ANKMY1: variants seen among roughly 807,000 people sequenced by gnomAD.
The protein encoded by ANKMY1 is ankyrin repeat and MYND domain containing 1.
Under a neutral mutation model 102.0 loss-of-function variants are expected in ANKMY1, and 98 were observed. The observed-to-expected ratio is 0.96, with a 90% confidence interval of 0.82 to 1.14. ANKMY1 has a LOEUF of 1.14. ANKMY1 is among the 50% of genes most tolerant of loss of function. The probability of loss-of-function intolerance (pLI) is 0.00; values close to 1 mark genes in which losing one functional copy is unlikely to be tolerated. For synonymous variants in ANKMY1, 582 were observed against 559.9 expected (o/e 1.04, Z -0.56); for missense variants, 1,330 against 1,347.6 (o/e 0.99, Z 0.20).
intron 15 of ANKMY1, among the ~76,000 whole-genome samples, chr2:240,487,060 A>G (rs2076139456): frequency 6.6e-6 from 1 of 152,140 alleles, no homozygotes; most frequent in African/African-American, 2.4e-5. Flanking sequence ...GCTCTAAAAC[A>G]TTGACTTTAT....
chr2:240,469,568 C>T, the ANKMY1 span, among the ~76,000 whole-genome samples: 5 of 152,242 alleles, frequency 3.3e-5, no homozygotes, highest in Non-Finnish European at 7.3e-5. Context: ...CCAGCGTCTC[C>T]CACACCATCT....
chr2:240,524,367 G>A lies in ANKMY1; in HGVS notation c.1350C>T (p.Phe450=), dbSNP rs939139060. The A allele has an allele frequency of 1.3e-6, 2 of 1,590,410 alleles. No homozygotes were observed. The highest frequency in any genetic ancestry group is 1.8e-5 in the Admixed American group (1 of 56,478). The change falls in exon 8 of 18, where the codon TTC becomes TTT. Residue 450 remains phenylalanine (F), a synonymous_variant. Coordinates refer to ENST00000401804, the MANE Select transcript of ANKMY1 (RefSeq NM_001282771.3). The stretch of plus-strand genomic sequence containing the variant: ...ATGATGAAAGGATTGGAACAACTGG[G>A]AATTTTGGAGGTTCCTTTGGAAAGA... ...TIPEPQEPPK[F]PVVPILSSSF... is the part of the protein sequence containing the mutation.
chr2:240,483,450 T>C (rs6750388), intron 15 of ANKMY1, among the ~76,000 whole-genome samples: 122,961 of 152,180 alleles, frequency 0.81, 49,877 homozygotes, highest in East Asian at 0.99. Flanking sequence ...AGCCACCGCA[T>C]CTGGCCTGTA....
chr2:240,505,461 CAAAA>C (rs540912833), intron 13 of ANKMY1, among the ~76,000 whole-genome samples: 1 of 137,354 alleles, frequency 7.3e-6, no homozygotes, highest in Non-Finnish European at 1.6e-5. Context: ...GACTCTGACT[CAAAA>C]AAAAAAAAAA....
At chr2:240,500,290 T>G (rs2077957898) in intron 14 of ANKMY1, among the ~76,000 whole-genome samples, 162 bp downstream of exon 14, 1 of 151,954 alleles carries the variant, frequency 6.6e-6, no homozygotes, top group Non-Finnish European at 1.5e-5. Flanking sequence ...TGGCATGAGC[T>G]CAGCACTTTG....
At chr2:240,495,626 C>T (rs751983404) in intron 15 of ANKMY1, among the ~76,000 whole-genome samples, 1 of 152,144 alleles carries the variant, frequency 6.6e-6, no homozygotes. Flanking sequence ...CCTTACCCTG[C>T]CCCCTTGTCT....
At chr2:240,528,924 G>C (rs367705742) in intron 5 of ANKMY1, 113 bp downstream of exon 5, 4 of 942,900 alleles carry the variant, frequency 4.2e-6, no homozygotes, top group Non-Finnish European at 6.6e-6. Context: ...AGTGTGTTTA[G>C]GTCACCCTGA....
chr2:240,496,275 T>C (rs544558458), intron 15 of ANKMY1, among the ~76,000 whole-genome samples: 5 of 152,226 alleles, frequency 3.3e-5, no homozygotes, highest in Non-Finnish European at 7.3e-5. Flanking sequence ...TAAATATGTT[T>C]AGAAAGTTTT....
chr2:240,515,324 C>T (rs2080991419), intron 9 of ANKMY1, among the ~76,000 whole-genome samples: 2 of 152,148 alleles, frequency 1.3e-5, no homozygotes, highest in African/African-American at 4.8e-5. Flanking sequence ...ATCACTAGGT[C>T]AGGAGTTCAA....
chr2:240,529,008 TAGGGGAGG>T lies in ANKMY1; in HGVS notation c.953+21_953+28del. ...GGGCAGCCTGCACAGTGCACGGCCC[TAGGGGAGG>T]AGCAGTAGCAGACTAGTCACCTGAA... On this transcript the variant is annotated intron_variant, in intron 5 of 17. Transcript: ENST00000401804. This position sits in a 1 kb window ranked among gnomAD's most constrained non-coding sequence, Gnocchi z 4.2. 2 of 1,606,498 alleles carry T rather than the reference TAGGGGAGG, an allele frequency of 1.2e-6. No individual in the cohort carries two copies. Among genetic ancestry groups the T allele is most frequent in the South Asian group, 2.2e-5 (2 of 90,590 alleles).
In ANKMY1 at chr2:240,509,460, G is replaced by A. The variant is rs1453567137; in HGVS notation, c.2287-5C>T. The stretch of plus-strand genomic sequence containing the variant: ...CCGGACTATGTCCCTGGCACACTGG[G>A]TGGGGAGAAATGACAGGTTAGAGAG... On this transcript the variant is annotated splice_region_variant and splice_polypyrimidine_tract_variant and intron_variant, in intron 11 of 17. Transcript: ENST00000401804. The A allele has an allele frequency of 1.9e-6, 3 of 1,607,000 alleles. No homozygotes were observed. The highest frequency in any genetic ancestry group is 2.6e-6 in the Non-Finnish European group (3 of 1,175,448).
chr2:240,480,876 C>G, intron 17 of ANKMY1, 61 bp downstream of exon 17: 1 of 1,566,116 alleles, frequency 6.4e-7, no homozygotes, highest in East Asian at 2.3e-5. Flanking sequence ...GCACCCCAGG[C>G]CTGCGCCTTC....
At chr2:240,472,557 T>G in the ANKMY1 span, among the ~76,000 whole-genome samples, 4 of 152,190 alleles carry the variant, frequency 2.6e-5, no homozygotes, top group Admixed American at 2.6e-4. Context: ...GTCCCAGAGC[T>G]AGCCCTGTTC....
chr2:240,528,674 A>T (rs949574048), intron 5 of ANKMY1, among the ~76,000 whole-genome samples: 35 of 151,670 alleles, frequency 2.3e-4, no homozygotes, highest in Non-Finnish European at 4.1e-4. Context: ...GGCTCAGGAG[A>T]TTCTCCCCAG....
In ANKMY1 at chr2:240,547,308, A is replaced by C. The variant is rs2090584084; in HGVS notation, c.480+5606T>G. ...AGGCAGAAATAAAGATATTCTTTGAAACCAACGAGAACAAAGACATAACAT... is the reference window on the plus strand; with the variant it reads ...AGGCAGAAATAAAGATATTCTTTGACACCAACGAGAACAAAGACATAACAT... On this transcript the variant is annotated intron_variant, in intron 4 of 17. Transcript: ENST00000401804. Among the ~76,000 whole-genome samples, 4 of 152,354 alleles carry C rather than the reference A, an allele frequency of 2.6e-5. No individual in the cohort carries two copies. In the South Asian group the frequency reaches 8.3e-4, roughly 32 times the overall value.
At chr2:240,522,085 C>T (rs996782125) in intron 8 of ANKMY1, 1 of 152,232 alleles carries the variant, frequency 6.6e-6, no homozygotes, top group Non-Finnish European at 1.5e-5. Context: ...CCACATCCTG[C>T]TGACTGGTCC....
upstream of ANKMY1, chr2:240,558,708 A>G (rs1441468610): frequency 6.6e-6 from 1 of 152,172 alleles, no homozygotes; most frequent in East Asian, 1.9e-4. Context: ...GGGTGTGAAG[A>G]GCTGATGCCC....
downstream of ANKMY1, among the ~76,000 whole-genome samples, chr2:240,478,644 G>C (rs1240662308): frequency 6.6e-6 from 1 of 152,088 alleles, no homozygotes; most frequent in Non-Finnish European, 1.5e-5. Context: ...CAGGCTCACT[G>C]CTGACCCCTT....
upstream of ANKMY1, chr2:240,560,881 T>C (rs1457762967): frequency 6.9e-7 from 1 of 1,444,888 alleles, no homozygotes. Flanking sequence ...GTGGCAGAGC[T>C]GCGCGTGCCC....
Sources: allele counts gnomAD v4.1 joint callset (sites outside exome capture counted in the v4.1 genomes callset), GRCh38; gene constraint gnomAD v4.1.1; non-coding constraint Gnocchi (gnomAD v3.1); transcripts MANE v1.5; gene names NCBI Gene and HGNC (gene_info 2026-07-23, HGNC 2026-07-21).